Variants in MCU observed in about 807,000 individuals in gnomAD.
MCU encodes the protein calcium uniporter protein, mitochondrial.
MCU carries 12 observed loss-of-function variants against 45.2 expected under a neutral mutation model. The ratio of observed to expected loss-of-function variants is 0.27; its 90% CI spans 0.17 to 0.43. MCU has a LOEUF of 0.43. MCU is among the 20% of genes least tolerant of loss of function. The pLI is 1.00. For missense variants in MCU, 324 were observed against 436.7 expected, an observed-to-expected ratio of 0.74 and a Z score of 2.30; for synonymous variants, 160 against 165.1, an observed-to-expected ratio of 0.97 and a Z score of 0.24.
chr10:72,742,463 AT>A (rs1193566504), intron 1 of MCU, among the ~76,000 whole-genome samples: 6 of 152,140 alleles, frequency 3.9e-5, no homozygotes, highest in African/African-American at 1.4e-4. Context: ...GGTTCTCTGC[AT>A]TTTTATGTAT....
At chr10:72,760,301 T>G (rs1843636715) in intron 1 of MCU, among the ~76,000 whole-genome samples, 1 of 152,164 alleles carries the variant, frequency 6.6e-6, no homozygotes, top group Admixed American at 6.6e-5. Context: ...TCCTCCCATC[T>G]CAGCCTCTCA....
chr10:72,854,687 G>A (rs1845260437), intron 2 of MCU, among the ~76,000 whole-genome samples: 1 of 152,140 alleles, frequency 6.6e-6, no homozygotes, highest in South Asian at 2.1e-4. Context: ...ACACTTTTTC[G>A]ATGGTACCAG....
chr10:72,880,371 A>G (rs1001194426), intron 6 of MCU, among the ~76,000 whole-genome samples: 4 of 151,956 alleles, frequency 2.6e-5, no homozygotes, highest in African/African-American at 7.2e-5. Flanking sequence ...ATGTAAATCA[A>G]TTGCGTTTCT....
intron 2 of MCU, among the ~76,000 whole-genome samples, chr10:72,837,003 G>A (rs1844964675): frequency 6.6e-6 from 1 of 152,024 alleles, no homozygotes; most frequent in Non-Finnish European, 1.5e-5. Flanking sequence ...GAAGTATAAG[G>A]TCTAAAATAT....
chr10:72,734,954 C>A lies in MCU; in HGVS notation c.150+42653C>A, dbSNP rs896787805. On this transcript the variant is annotated intron_variant, in intron 1 of 7. Transcript: ENST00000373053. ...ATTAGCTGGGTGTGGTGGTGCATAC[C>A]CGTAGTCCCAGCTACTAGGGAGGCT... 3.3e-5 allele frequency among the ~76,000 whole-genome samples: 5 copies of A among 151,690 alleles called. No homozygotes were observed. The East Asian group carries it at 9.7e-4, about 29-fold the overall frequency.
intron 1 of MCU, among the ~76,000 whole-genome samples, chr10:72,704,715 T>C (rs1842798137): frequency 1.4e-5 from 2 of 139,646 alleles, no homozygotes; most frequent in Admixed American, 1.4e-4. Context: ...TTTTTTTTTT[T>C]TTTTTTTTTT....
intron 2 of MCU, among the ~76,000 whole-genome samples, chr10:72,849,560 G>GCATT (rs1845175757): frequency 6.6e-6 from 1 of 152,138 alleles, no homozygotes; most frequent in Admixed American, 6.6e-5. Context: ...GACTTTGGGA[G>GCATT]GACGTGAGAT....
At chr10:72,709,997 A>G (rs1842869557) in intron 1 of MCU, among the ~76,000 whole-genome samples, 1 of 152,110 alleles carries the variant, frequency 6.6e-6, no homozygotes, top group Non-Finnish European at 1.5e-5. Context: ...TGTTTTTGAG[A>G]TGAAGTCTCG....
intron 1 of MCU, among the ~76,000 whole-genome samples, chr10:72,806,074 A>C (rs935196503): frequency 6.6e-6 from 1 of 151,786 alleles, no homozygotes; most frequent in Non-Finnish European, 1.5e-5. Flanking sequence ...CAAAAAGCCA[A>C]TGTGGTGAAG....
In MCU at chr10:72,751,341, CTTTTTTTTTTTTTTT is replaced by C. The variant is rs71021528; in HGVS notation, c.150+59056_150+59070del. 8.8e-3 allele frequency among the ~76,000 whole-genome samples: 395 copies of C among 44,774 alleles called. 9 individuals are homozygous for C. The highest frequency in any genetic ancestry group is 0.074 in the Admixed American group (229 of 3,112). 29.4% of individuals were successfully genotyped at this position (44,774 alleles called of 152,430 possible). Reference sequence around the variant, plus strand: ...TTTTCTCTAACATCTTCTTCTTCTTCTTTTTTTTTTTTTTTTTTTTTTTTTTTTTTGAGACAGAGT... The same window carrying C: ...TTTTCTCTAACATCTTCTTCTTCTTCTTTTTTTTTTTTTTTGAGACAGAGT... On this transcript the variant is annotated intron_variant, in intron 1 of 7. Transcript: ENST00000373053.
intron 1 of MCU, among the ~76,000 whole-genome samples, chr10:72,709,436 T>G (rs1842862746): frequency 6.6e-6 from 1 of 152,236 alleles, no homozygotes; most frequent in African/African-American, 2.4e-5. Flanking sequence ...CATTTGCTTT[T>G]GATGGAATTA....
chr10:72,807,885 G>T (rs1844476518), intron 1 of MCU, among the ~76,000 whole-genome samples: 1 of 152,132 alleles, frequency 6.6e-6, no homozygotes, highest in Non-Finnish European at 1.5e-5. Context: ...GAAAATAATT[G>T]ATTTCTGTCC....
intron 1 of MCU, among the ~76,000 whole-genome samples, chr10:72,798,369 G>A (rs1385124463): frequency 6.6e-6 from 1 of 152,128 alleles, no homozygotes; most frequent in Non-Finnish European, 1.5e-5. Flanking sequence ...TCAGCTCACT[G>A]CAACCTCTGC....
At chr10:72,754,943 C>T (rs1843553615) in intron 1 of MCU, among the ~76,000 whole-genome samples, 1 of 152,204 alleles carries the variant, frequency 6.6e-6, no homozygotes, top group African/African-American at 2.4e-5. Flanking sequence ...AGAGTTATAA[C>T]CTCACATATT....
chr10:72,841,978 A>G (rs886896404), intron 2 of MCU, among the ~76,000 whole-genome samples: 4 of 152,210 alleles, frequency 2.6e-5, no homozygotes, highest in Non-Finnish European at 5.9e-5. Flanking sequence ...TGAATGAGTA[A>G]TCTAATTCAA....
At chr10:72,792,114 A>C (rs1844169801) in intron 1 of MCU, among the ~76,000 whole-genome samples, 1 of 152,224 alleles carries the variant, frequency 6.6e-6, no homozygotes, top group Non-Finnish European at 1.5e-5. Context: ...CACATTTTGC[A>C]GTGGCAGAAA....
At chr10:72,792,223 G>A (rs1782915165) in intron 1 of MCU, among the ~76,000 whole-genome samples, 2 of 152,238 alleles carry the variant, frequency 1.3e-5, no homozygotes, top group Admixed American at 1.3e-4. Context: ...GTTTTTAAAG[G>A]CGGGGTAAAT....
intron 1 of MCU, among the ~76,000 whole-genome samples, chr10:72,773,031 C>CG (rs1843835969): frequency 6.6e-6 from 1 of 152,008 alleles, no homozygotes. Context: ...CCTTAGTAGG[C>CG]GGGACTACAG....
chr10:72,818,226 T>C (rs1386960705), intron 1 of MCU, among the ~76,000 whole-genome samples: 5 of 152,232 alleles, frequency 3.3e-5, no homozygotes, highest in Non-Finnish European at 5.9e-5. Flanking sequence ...GATTTTCATG[T>C]GCTTCAAAGC....
Sources: gnomAD v4.1 joint callset for allele counts (sites outside exome capture counted in the v4.1 genomes callset) on GRCh38, gnomAD v4.1.1 for gene constraint, MANE v1.5 for transcripts, NCBI Gene and HGNC (gene_info 2026-07-23, HGNC 2026-07-21) for gene names.